The following PCSK5 variants were observed in gnomAD, a reference collection of about 807,000 sequenced individuals.
PCSK5 encodes prohormone convertase 5.
In PCSK5, 129 loss-of-function variants were observed where a neutral mutation model predicts 233.2. The ratio of observed to expected loss-of-function variants is 0.55; its 90% CI spans 0.48 to 0.64. The LOEUF is 0.64. PCSK5 is among the 30% of genes least tolerant of loss of function. The probability of loss-of-function intolerance (pLI) is 0.00; values close to 1 mark genes in which losing one functional copy is unlikely to be tolerated. For synonymous variants in PCSK5, 825 were observed against 879.2 expected, an observed-to-expected ratio of 0.94 and a Z score of 1.09; for missense variants, 2,076 against 2,430.1, an observed-to-expected ratio of 0.85 and a Z score of 3.06.
chr9:76,158,560 C>T (rs1431739342), intron 11 of PCSK5, among the ~76,000 whole-genome samples: 2 of 152,176 alleles, frequency 1.3e-5, no homozygotes, highest in Non-Finnish European at 2.9e-5. Context: ...TGCTAATCCC[C>T]AAGCCTCCAC....
At chr9:75,911,311 A>G (rs1227467337) in intron 1 of PCSK5, among the ~76,000 whole-genome samples, 2 of 143,824 alleles carry the variant, frequency 1.4e-5, no homozygotes, top group African/African-American at 5.2e-5. Flanking sequence ...GTTATAGTGA[A>G]CCCAGCAAGT....
At chr9:76,256,871 T>A (rs1180438315) in intron 24 of PCSK5, among the ~76,000 whole-genome samples, 2 of 152,208 alleles carry the variant, frequency 1.3e-5, no homozygotes, top group African/African-American at 4.8e-5. Flanking sequence ...ACATTTTTTG[T>A]TTCTTAATTC....
chr9:76,143,015 A>G (rs1823292857), intron 10 of PCSK5, among the ~76,000 whole-genome samples: 1 of 152,218 alleles, frequency 6.6e-6, no homozygotes, highest in Non-Finnish European at 1.5e-5. Context: ...TCTGCCAATG[A>G]TTATGAATTA....
At chr9:76,194,760 C>T (rs755574029) in intron 20 of PCSK5, 12 of 466,642 alleles carry the variant, frequency 2.6e-5, no homozygotes, top group South Asian at 1.3e-4. Context: ...TTAGGGGAGC[C>T]TAGACTGATA....
At position 75,918,394 on chromosome 9, in the gene PCSK5, C is replaced by T. The variant is rs150483366; in HGVS notation, c.193-13985C>T. ...ATTCAGTTAAGGTGGGGCTCATTAA[C>T]GTGCATTTCTGCCAGGCTCATTGAT... On this transcript the variant is annotated intron_variant, in intron 1 of 37. Transcript: ENST00000674117. Among the ~76,000 whole-genome samples, 107 of 152,332 alleles carry T rather than the reference C, an allele frequency of 7.0e-4. 1 individual carries two copies. Among genetic ancestry groups the T allele is most frequent in the African/African-American group, 2.2e-3 (93 of 41,590 alleles).
chr9:76,097,184 C>T (rs1054556091), intron 8 of PCSK5, among the ~76,000 whole-genome samples: 9 of 150,296 alleles, frequency 6.0e-5, no homozygotes, highest in African/African-American at 2.2e-4. Flanking sequence ...CTGCCTGCCT[C>T]GGCCTCCCAA....
intron 10 of PCSK5, among the ~76,000 whole-genome samples, chr9:76,134,950 T>C (rs1822909999): frequency 6.6e-6 from 1 of 152,122 alleles, no homozygotes; most frequent in Non-Finnish European, 1.5e-5. Flanking sequence ...ACCTAAGTTA[T>C]AATAAGGTTT....
intron 3 of PCSK5, among the ~76,000 whole-genome samples, chr9:76,001,151 C>A (rs1827243531): frequency 6.6e-6 from 1 of 152,108 alleles, no homozygotes; most frequent in African/African-American, 2.4e-5. Context: ...CTCAGTGTCA[C>A]CAATATAATT....
intron 16 of PCSK5, 101 bp from the exon 17 acceptor site, chr9:76,184,572 A>G: frequency 1.5e-6 from 1 of 658,128 alleles, no homozygotes; most frequent in Non-Finnish European, 2.6e-6. Context: ...AGTCAAGGCC[A>G]TAGGTACTGT....
chr9:76,143,393 C>CG (rs1823309014), intron 10 of PCSK5, among the ~76,000 whole-genome samples: 1 of 152,022 alleles, frequency 6.6e-6, no homozygotes, highest in South Asian at 2.1e-4. Flanking sequence ...GGAGCCGCTG[C>CG]GGTGATTGAG....
intron 24 of PCSK5, among the ~76,000 whole-genome samples, chr9:76,282,064 CTT>C (rs570775997): frequency 1.2e-5 from 1 of 83,140 alleles, no homozygotes; most frequent in Non-Finnish European, 2.5e-5. Flanking sequence ...TTTTTTCTTT[CTT>C]TTTTTTTTTC....
intron 7 of PCSK5, among the ~76,000 whole-genome samples, chr9:76,091,711 C>G (rs186197263): frequency 5.6e-4 from 86 of 152,214 alleles, no homozygotes; most frequent in Non-Finnish European, 1.3e-4. Flanking sequence ...TCACCAGCCC[C>G]CTGCCTGCAG....
chr9:76,098,213 T>C (rs1564024975), intron 8 of PCSK5, among the ~76,000 whole-genome samples: 1 of 152,232 alleles, frequency 6.6e-6, no homozygotes, highest in Non-Finnish European at 1.5e-5. Flanking sequence ...CATGTCCCCA[T>C]CTTTCCCTAA....
intron 1 of PCSK5, among the ~76,000 whole-genome samples, chr9:75,899,921 T>C (rs781024261): frequency 6.6e-6 from 1 of 152,120 alleles, no homozygotes; most frequent in Non-Finnish European, 1.5e-5. Flanking sequence ...CTTTAGATGG[T>C]GTGCAGTAGT....
Position 76,322,271 on chromosome 9 carries a change from A to C in PCSK5, c.4102+632A>C, listed in dbSNP as rs542073728. Among the ~76,000 whole-genome samples the C allele has an allele frequency of 8.9e-4, 135 of 152,308 alleles. 1 individual carries two copies. Among genetic ancestry groups the C allele is most frequent in the African/African-American group, 3.2e-3 (135 of 41,572 alleles). On this transcript the variant is annotated intron_variant, in intron 31 of 37. Coordinates refer to ENST00000674117, the MANE Select transcript of PCSK5 (RefSeq NM_001372043.1). ...AGCTGTTCCCATCTTTTGGAACACA[A>C]AATCTTACAGACTGATAGTAAGCCA... is the stretch of plus-strand genomic sequence containing the variant.
chr9:75,907,416 T>A (rs1448155454), intron 1 of PCSK5, among the ~76,000 whole-genome samples: 1 of 151,954 alleles, frequency 6.6e-6, no homozygotes, highest in Non-Finnish European at 1.5e-5. Context: ...TATAAAGGGG[T>A]ATGGTAAAAA....
chr9:76,069,424 A>G (rs1218144202), intron 6 of PCSK5, among the ~76,000 whole-genome samples: 1 of 149,546 alleles, frequency 6.7e-6, no homozygotes, highest in African/African-American at 2.5e-5. Flanking sequence ...GAACTCACAG[A>G]TAAACCAATG....
At chr9:76,011,025 A>C (rs1289285525) in intron 3 of PCSK5, among the ~76,000 whole-genome samples, 1 of 152,148 alleles carries the variant, frequency 6.6e-6, no homozygotes, top group South Asian at 2.1e-4. Flanking sequence ...ACTTTTCTGG[A>C]ATTATTATTT....
At chr9:76,093,787 T>C (rs1171697591) in intron 7 of PCSK5, among the ~76,000 whole-genome samples, 5 of 152,102 alleles carry the variant, frequency 3.3e-5, no homozygotes, top group Admixed American at 6.6e-5. Context: ...AGGGAACATA[T>C]TGATGATGAG....
Sources: gnomAD v4.1 joint callset for allele counts (sites outside exome capture counted in the v4.1 genomes callset) on GRCh38, gnomAD v4.1.1 for gene constraint, MANE v1.5 for transcripts, NCBI Gene and HGNC (gene_info 2026-07-23, HGNC 2026-07-21) for gene names.